The following FLACC1 variants were observed in gnomAD, a reference collection of about 807,000 sequenced individuals.
The protein encoded by FLACC1 is flagellum-associated coiled-coil domain-containing protein 1.
A neutral mutation model predicts 62.8 loss-of-function variants in FLACC1; 66 were observed. The observed-to-expected ratio is 1.05, with a 90% CI of 0.86 to 1.29. The LOEUF (loss-of-function observed/expected upper bound fraction) is 1.29, where lower values mean the gene tolerates loss of function less well. FLACC1 is among the 50% of genes most tolerant of loss of function. The pLI is 0.00. For missense variants in FLACC1, 452 were observed against 489.1 expected (o/e 0.92, Z 0.71); for synonymous variants, 156 against 161.0 (o/e 0.97, Z 0.24).
rs1185407761 is a variant in FLACC1, at chr2:201,346,397, C to T, written c.368+145G>A. The T allele has an allele frequency of 1.6e-5, 18 of 1,124,216 alleles. No homozygotes were observed. Among genetic ancestry groups the T allele is most frequent in the Admixed American group, 1.5e-4 (6 of 41,310 alleles). The allele number at this position is 1,124,216 out of a possible 1,614,324, so 69.6% of individuals were successfully genotyped here. On this transcript the variant is annotated intron_variant, in intron 5 of 14. Coordinates refer to ENST00000392257, the MANE Select transcript of FLACC1 (RefSeq NM_001127391.3). The surrounding 1 kb of genome is among the most constrained non-coding windows in gnomAD (Gnocchi z 4.0). ...GAGATGCATCATCAGGAAGCAGGGG[C>T]GAGGAGGGAGGTGCCCTTGCGGCCC...
intron 12 of FLACC1, among the ~76,000 whole-genome samples, chr2:201,296,527 G>C (rs1021288450): frequency 8.5e-6 from 1 of 117,570 alleles, no homozygotes; most frequent in Non-Finnish European, 1.7e-5. Flanking sequence ...TGGGGGGAGG[G>C]GGGAGGGATA....
At chr2:201,345,488 G>A (rs1422313788) in intron 5 of FLACC1, among the ~76,000 whole-genome samples, 4 of 146,750 alleles carry the variant, frequency 2.7e-5, no homozygotes, top group Admixed American at 6.7e-5. Context: ...GTGTGTGTAT[G>A]TGTGTGTGTG....
intron 9 of FLACC1, among the ~76,000 whole-genome samples, chr2:201,312,109 G>A (rs1002142026): frequency 1.3e-5 from 2 of 152,106 alleles, no homozygotes; most frequent in Non-Finnish European, 2.9e-5. Context: ...GAAATAAAAG[G>A]CATCCAAATA....
chr2:201,360,685 A>G (rs1002665503), upstream of FLACC1, among the ~76,000 whole-genome samples: 1 of 152,172 alleles, frequency 6.6e-6, no homozygotes, highest in African/African-American at 2.4e-5. Flanking sequence ...CTGTAGTGCT[A>G]CCCTTGCACC....
intron 9 of FLACC1, among the ~76,000 whole-genome samples, chr2:201,312,399 G>T (rs538185233): frequency 3.0e-4 from 46 of 152,158 alleles, no homozygotes; most frequent in African/African-American, 1.1e-3. Context: ...ACTATAAATT[G>T]CTGCTGAAAG....
At chr2:201,360,635 A>G (rs2125632895), upstream of FLACC1, among the ~76,000 whole-genome samples, 1 of 152,348 alleles carries the variant, frequency 6.6e-6, no homozygotes, top group Admixed American at 6.5e-5. Context: ...GATCATCCTG[A>G]ATAGACCCGA....
chr2:201,323,784 C>CAAA (rs71022362), intron 9 of FLACC1, among the ~76,000 whole-genome samples: 7 of 52,760 alleles, frequency 1.3e-4, no homozygotes, highest in African/African-American at 4.1e-4. Flanking sequence ...CAGACTCTAT[C>CAAA]AAAAAAAAAA....
At chr2:201,303,823 A>C (rs1950043045) in intron 11 of FLACC1, among the ~76,000 whole-genome samples, 1 of 152,226 alleles carries the variant, frequency 6.6e-6, no homozygotes, top group African/African-American at 2.4e-5. Context: ...TACCAAAGAC[A>C]AAAACCACAT....
intron 1 of FLACC1, among the ~76,000 whole-genome samples, chr2:201,354,139 G>C (rs1294526274): frequency 1.3e-5 from 2 of 152,172 alleles, no homozygotes; most frequent in Non-Finnish European, 1.5e-5. Context: ...GACCTTAAGA[G>C]CTACAGAGGA....
chr2:201,306,199 G>C (rs930658364), intron 11 of FLACC1, among the ~76,000 whole-genome samples: 3 of 152,084 alleles, frequency 2.0e-5, no homozygotes, highest in Non-Finnish European at 1.5e-5. Context: ...AAGGTAAAGA[G>C]GAAGGAGGCC....
At chr2:201,300,305 C>T (rs1204117794) in intron 11 of FLACC1, among the ~76,000 whole-genome samples, 1 of 152,186 alleles carries the variant, frequency 6.6e-6, no homozygotes. Flanking sequence ...GGGTCCCACG[C>T]CCACGGAGCT....
At chr2:201,330,144 G>A (rs1246228372) in intron 9 of FLACC1, among the ~76,000 whole-genome samples, 1 of 152,200 alleles carries the variant, frequency 6.6e-6, no homozygotes, top group African/African-American at 2.4e-5. Flanking sequence ...CTCAACTGCA[G>A]TTCTAACAAA....
At chr2:201,305,954 A>G (rs1474315970) in intron 11 of FLACC1, among the ~76,000 whole-genome samples, 25 of 151,004 alleles carry the variant, frequency 1.7e-4, no homozygotes, top group African/African-American at 7.3e-5. Context: ...GGAGGGGGGA[A>G]GGATAGCATT....
chr2:201,349,449 A>G lies in FLACC1; in HGVS notation c.186-1147T>C, dbSNP rs180903818. ...TCTTTTTTCTATGTAGCACTTGCCA[A>G]CCTCGGATGTAATAACTAGTTTATG... On this transcript the variant is annotated intron_variant, in intron 3 of 14. Transcript: ENST00000392257. Among the ~76,000 whole-genome samples, 11 of 152,140 alleles carry G rather than the reference A, an allele frequency of 7.2e-5. No individual in the cohort carries two copies. In the East Asian group the frequency reaches 1.7e-3, roughly 24 times the overall value.
intron 7 of FLACC1, among the ~76,000 whole-genome samples, chr2:201,332,135 C>T (rs1333965208): frequency 6.6e-6 from 1 of 151,774 alleles, no homozygotes; most frequent in East Asian, 1.9e-4. Flanking sequence ...AAATTGATAA[C>T]TTATAATTAT....
intron 9 of FLACC1, among the ~76,000 whole-genome samples, chr2:201,314,098 C>A (rs565851864): frequency 2.0e-5 from 3 of 152,116 alleles, no homozygotes; most frequent in Non-Finnish European, 4.4e-5. Flanking sequence ...TCTGACAGAA[C>A]CTACCCAAAT....
intron 9 of FLACC1, among the ~76,000 whole-genome samples, chr2:201,313,449 C>G (rs892134665): frequency 1.3e-5 from 2 of 152,102 alleles, no homozygotes; most frequent in Admixed American, 1.3e-4. Context: ...TTTACCCCTA[C>G]TTCCCTGACA....
intron 7 of FLACC1, among the ~76,000 whole-genome samples, chr2:201,338,783 T>G (rs905177868): frequency 6.6e-6 from 1 of 152,164 alleles, no homozygotes; most frequent in East Asian, 1.9e-4. Flanking sequence ...TGTATTATAT[T>G]TTTGATGTAT....
intron 9 of FLACC1, among the ~76,000 whole-genome samples, chr2:201,319,058 T>A (rs1384532566): frequency 5.9e-5 from 9 of 152,186 alleles, no homozygotes. Flanking sequence ...CTTACTCATG[T>A]AACCAAACAC....
Sources: gnomAD v4.1 joint callset for allele counts (sites outside exome capture counted in the v4.1 genomes callset) on GRCh38, gnomAD v4.1.1 for gene constraint, Gnocchi (gnomAD v3.1) non-coding constraint, MANE v1.5 for transcripts, NCBI Gene and HGNC (gene_info 2026-07-23, HGNC 2026-07-21) for gene names.